Variants in PEX5L observed in about 807,000 individuals in gnomAD.
The protein encoded by PEX5L is PEX5-related protein.
PEX5L carries 30 observed loss-of-function variants against 84.0 expected under a neutral mutation model. That is an observed-to-expected ratio of 0.36 (90% confidence interval 0.27 to 0.48). The LOEUF is 0.48. Ranked by LOEUF, PEX5L falls within the 20% of genes least tolerant of loss-of-function variation. The probability of loss-of-function intolerance (pLI) is 0.99; values close to 1 mark genes in which losing one functional copy is unlikely to be tolerated. For missense variants in PEX5L, 533 were observed against 754.6 expected (o/e 0.71, Z 3.44); for synonymous variants, 270 against 283.1 (o/e 0.95, Z 0.46).
chr3:179,808,165 T>C lies in PEX5L; in HGVS notation c.1518+107A>G, dbSNP rs574114691. ...TATTAGTACCCATCACTTTAAACCA[T>C]TGGAGTCAGGGAAATAAAGTGCAGA... On this transcript the variant is annotated intron_variant, in intron 13 of 14. Coordinates refer to ENST00000467460, the MANE Select transcript of PEX5L (RefSeq NM_016559.3). The C allele has an allele frequency of 2.8e-5, 25 of 888,982 alleles. No individual in the cohort carries two copies. The East Asian group carries it at 2.9e-4, about 10-fold the overall frequency. 55.1% of individuals were successfully genotyped at this position (888,982 alleles called of 1,614,324 possible). A position where few individuals can be genotyped will look rare whatever the true frequency, so the allele number is the denominator to read the frequency against.
intron 7 of PEX5L, among the ~76,000 whole-genome samples, chr3:179,866,166 A>G (rs1179629893): frequency 1.3e-5 from 2 of 152,224 alleles, no homozygotes; most frequent in Non-Finnish European, 2.9e-5. Flanking sequence ...GATTTTTAAA[A>G]GGAATGTTGT....
intron 4 of PEX5L, 38 bp from the exon 5 acceptor site, chr3:179,880,161 C>T (rs1753742548): frequency 3.1e-6 from 4 of 1,280,014 alleles, no homozygotes; most frequent in Non-Finnish European, 4.3e-6. Flanking sequence ...AGCCCATTTA[C>T]TACTCTGAAA....
chr3:179,835,731 C>T (rs1424650379), intron 8 of PEX5L, among the ~76,000 whole-genome samples: 1 of 152,108 alleles, frequency 6.6e-6, no homozygotes, highest in African/African-American at 2.4e-5. Context: ...GATAAACATG[C>T]TCTATTTTCA....
chr3:179,815,777 G>A, intron 10 of PEX5L, 84 bp downstream of exon 10: 1 of 1,453,548 alleles, frequency 6.9e-7, no homozygotes, highest in East Asian at 2.3e-5. Context: ...TTGATGAAAA[G>A]CTGACCCAGC....
At chr3:179,847,809 C>T (rs1740175676) in intron 8 of PEX5L, among the ~76,000 whole-genome samples, 1 of 152,038 alleles carries the variant, frequency 6.6e-6, no homozygotes, top group South Asian at 2.1e-4. Flanking sequence ...TCAAGTGATT[C>T]TCCCACCTCA....
At chr3:180,027,605 T>C (rs988952095) in intron 1 of PEX5L, among the ~76,000 whole-genome samples, 2 of 152,196 alleles carry the variant, frequency 1.3e-5, no homozygotes, top group Non-Finnish European at 2.9e-5. Flanking sequence ...GGATTTCTTT[T>C]TAACATAGCC....
chr3:179,841,144 C>T (rs146166452), intron 8 of PEX5L, among the ~76,000 whole-genome samples: 67 of 152,262 alleles, frequency 4.4e-4, no homozygotes, highest in Non-Finnish European at 7.6e-4. Flanking sequence ...GCACAGAGCC[C>T]ACATTCCATA....
intron 4 of PEX5L, among the ~76,000 whole-genome samples, chr3:179,883,771 C>T (rs1238922937): frequency 2.0e-5 from 3 of 150,968 alleles, no homozygotes; most frequent in African/African-American, 7.3e-5. Context: ...GCAACAAGAG[C>T]AAAACTCCGT....
At chr3:179,858,004 T>A (rs1234695861) in intron 8 of PEX5L, among the ~76,000 whole-genome samples, 1 of 152,206 alleles carries the variant, frequency 6.6e-6, no homozygotes. Flanking sequence ...GCTTTCTGAA[T>A]AATAACCTGA....
rs550386488 is a variant in PEX5L at position 180,016,426 on chromosome 3, G to T, written c.21+20153C>A. ...AAGAAATTTCTAATTTAAAATAGATGAGATTCACAAGGTACTAACACAGTT... is the reference window on the plus strand; with the variant it reads ...AAGAAATTTCTAATTTAAAATAGATTAGATTCACAAGGTACTAACACAGTT... On this transcript the variant is annotated intron_variant, in intron 1 of 14. Coordinates refer to ENST00000467460, the MANE Select transcript of PEX5L (RefSeq NM_016559.3). Among the ~76,000 whole-genome samples the T allele has an allele frequency of 1.6e-4, 25 of 152,266 alleles. No individual in the cohort carries two copies. In the South Asian group the frequency reaches 4.8e-3, roughly 29 times the overall value.
At chr3:179,818,097 T>C (rs1195567813) in intron 9 of PEX5L, among the ~76,000 whole-genome samples, 2 of 152,306 alleles carry the variant, frequency 1.3e-5, no homozygotes, top group East Asian at 1.9e-4. Context: ...AATCGGAGAC[T>C]ATTCGTCATC....
intron 8 of PEX5L, among the ~76,000 whole-genome samples, chr3:179,843,186 T>C (rs62291597): frequency 0.22 from 33,234 of 152,130 alleles, 3,785 homozygotes; most frequent in Non-Finnish European, 0.25. Flanking sequence ...TGAAGAATCA[T>C]AGACACAGAT....
chr3:179,902,884 A>G (rs1489298888), intron 2 of PEX5L, among the ~76,000 whole-genome samples: 1 of 152,192 alleles, frequency 6.6e-6, no homozygotes, highest in African/African-American at 2.4e-5. Flanking sequence ...GGAAAAGTAA[A>G]AGACTACAAT....
At chr3:180,024,544 CAA>C (rs59981273) in intron 1 of PEX5L, among the ~76,000 whole-genome samples, 23,135 of 107,114 alleles carry the variant, frequency 0.22, 2,627 homozygotes, top group African/African-American at 0.37. Context: ...GACTCCGTTT[CAA>C]AAAAAAAAAA....
chr3:179,944,007 C>G (rs185375368), intron 2 of PEX5L, among the ~76,000 whole-genome samples: 4 of 151,556 alleles, frequency 2.6e-5, no homozygotes, highest in South Asian at 2.1e-4. Context: ...CCCTCCCCCC[C>G]CCAAAAAACT....
chr3:179,968,697 C>CTGTGTGTGTG (rs67094806), intron 2 of PEX5L, among the ~76,000 whole-genome samples: 9,602 of 142,762 alleles, frequency 0.067, 315 homozygotes, highest in Non-Finnish European at 0.074. Flanking sequence ...ATTTAAATGA[C>CTGTGTGTGTG]TGTGTGTGTG....
At chr3:179,845,183 T>C (rs564766843) in intron 8 of PEX5L, among the ~76,000 whole-genome samples, 2 of 152,234 alleles carry the variant, frequency 1.3e-5, no homozygotes, top group East Asian at 1.9e-4. Flanking sequence ...TTGTGTCTAA[T>C]AATCCAATAA....
intron 1 of PEX5L, chr3:179,973,288 G>T: frequency 7.8e-7 from 1 of 1,284,154 alleles, no homozygotes; most frequent in Non-Finnish European, 1.0e-6. Context: ...TGGCTTCCTT[G>T]CCAGAACTTG....
chr3:179,820,543 G>A (rs1290522131), intron 8 of PEX5L: 1 of 152,348 alleles, frequency 6.6e-6, no homozygotes, highest in African/African-American at 2.4e-5. Context: ...GGCAAACTTG[G>A]TCTGCTGGTG....
Sources: gnomAD v4.1 joint callset for allele counts (sites outside exome capture counted in the v4.1 genomes callset) on GRCh38, gnomAD v4.1.1 for gene constraint, MANE v1.5 for transcripts, NCBI Gene and HGNC (gene_info 2026-07-23, HGNC 2026-07-21) for gene names.